UEVLD: variants seen among roughly 807,000 people sequenced by gnomAD.
UEVLD encodes the protein ubiquitin-conjugating enzyme E2 variant 3.
A neutral mutation model predicts 58.6 loss-of-function variants in UEVLD; 47 were observed. That is an observed-to-expected ratio of 0.80 (90% CI 0.63 to 1.02). The LOEUF is 1.02. Among genes scored for constraint, UEVLD ranks in the 50% least tolerant of loss-of-function variants. The pLI, the probability that UEVLD is intolerant of heterozygous loss-of-function variation, is 0.00. For synonymous variants in UEVLD, 197 were observed against 195.3 expected (o/e 1.01, Z -0.07); for missense variants, 510 against 550.6 (o/e 0.93, Z 0.74).
chr11:18,533,787 T>C (rs1198213417), intron 11 of UEVLD, among the ~76,000 whole-genome samples: 2 of 152,116 alleles, frequency 1.3e-5, no homozygotes, highest in Non-Finnish European at 2.9e-5. Context: ...CCCGAGTAGC[T>C]GGGATTACAG....
rs778308196 is a variant in UEVLD, at chr11:18,565,003, T to C, written c.501A>G (p.Ser167=). 15 of 1,605,004 alleles carry C rather than the reference T, an allele frequency of 9.3e-6. No individual in the cohort carries two copies. The highest frequency in any genetic ancestry group is 1.3e-5 in the Non-Finnish European group (15 of 1,172,990). Residue 167 remains serine, a synonymous_variant, in exon 6 of 12, where the codon TCA becomes TCG. Coordinates refer to ENST00000396197, the MANE Select transcript of UEVLD (RefSeq NM_001040697.4). ...TTGCCCAGCTCTTTGAATTTGTATC[T>C]GAAACACCTAGAAAGAAAGGTGAAT... ...AYIAKITEGV[S]DTNSKSWANH...
At chr11:18,562,844 C>G (rs1009391257) in intron 6 of UEVLD, among the ~76,000 whole-genome samples, 2 of 151,666 alleles carry the variant, frequency 1.3e-5, no homozygotes, top group Non-Finnish European at 2.9e-5. Context: ...ACCAGGAGTT[C>G]AAGACCAATC....
intron 5 of UEVLD, among the ~76,000 whole-genome samples, chr11:18,566,055 C>T (rs1036044985): frequency 1.5e-4 from 23 of 151,690 alleles, no homozygotes; most frequent in African/African-American, 5.1e-4. Context: ...CCTGCCACCA[C>T]GCCCAGCTAC....
chr11:18,570,284 C>T lies in UEVLD; in HGVS notation c.287G>A (p.Gly96Glu). The T allele has an allele frequency of 6.2e-7, 1 of 1,600,554 alleles. No homozygotes were observed. The highest frequency in any genetic ancestry group is 8.5e-7 in the Non-Finnish European group (1 of 1,176,050). Residue 96 changes from glycine (G) to glutamate (E), a missense_variant, in exon 4 of 12, where the codon GGA (glycine) becomes GAA (glutamate). Gly to Glu is a moderately conservative substitution (Grantham distance 98, BLOSUM62 -2). Coordinates refer to ENST00000396197, the MANE Select transcript of UEVLD (RefSeq NM_001040697.4). ...ATCCACATGTTTTCCGACTAAGATT[C>T]CCATATTTGCAGTTGGCTTCAAGAA... ...ICFLKPTANM[G>E]ILVGKHVDAQ...
intron 4 of UEVLD, among the ~76,000 whole-genome samples, chr11:18,568,044 C>T (rs774372520): frequency 1.3e-5 from 2 of 152,032 alleles, no homozygotes; most frequent in Non-Finnish European, 2.9e-5. Flanking sequence ...ACTCAGAAGG[C>T]TGAGGTGGGA....
At position 18,533,143 on chromosome 11, in the gene UEVLD, T is replaced by C. The variant is rs184174963; in HGVS notation, c.1249-656A>G. On this transcript the variant is annotated intron_variant, in intron 11 of 11. Transcript: ENST00000396197. ...CCTAAGCTCAAGTGATCCTCCCACC[T>C]TGGCCTCCCAAAGTGCTGGGATTAC... 7.2e-4 allele frequency among the ~76,000 whole-genome samples: 110 copies of C among 151,768 alleles called. 1 individual carries two copies. The highest frequency in any genetic ancestry group is 1.0e-3 in the Non-Finnish European group (69 of 67,906).
rs1245960183 is a variant in UEVLD at position 18,532,033 on chromosome 11, A to T, written c.*287T>A. ...GTATGAATTGTGCTTTTAGTTTAGG[A>T]TATATGATTTAAATTGATGCACACT... On this transcript the variant is annotated 3_prime_UTR_variant, in exon 12 of 12. Coordinates refer to ENST00000396197, the MANE Select transcript of UEVLD (RefSeq NM_001040697.4). The T allele has an allele frequency of 4.9e-6, 1 of 205,854 alleles. No homozygotes were observed. Among genetic ancestry groups the T allele is most frequent in the Admixed American group, 5.9e-5 (1 of 17,000 alleles). The allele number at this position is 205,854 out of a possible 1,614,324, so 12.8% of individuals were successfully genotyped here. A position where few individuals can be genotyped will look rare whatever the true frequency, so the allele number is the denominator to read the frequency against.
At chr11:18,560,959 G>A (rs1852005210) in intron 6 of UEVLD, among the ~76,000 whole-genome samples, 1 of 151,686 alleles carries the variant, frequency 6.6e-6, no homozygotes, top group African/African-American at 2.4e-5. Flanking sequence ...TGCAGTGAGT[G>A]GAGATTGCGC....
intron 7 of UEVLD, among the ~76,000 whole-genome samples, chr11:18,550,972 T>TCC (rs1413633231): frequency 6.6e-6 from 1 of 152,194 alleles, no homozygotes; most frequent in Non-Finnish European, 1.5e-5. Context: ...TTAGCATTGC[T>TCC]CCACAGGCAA....
chr11:18,546,578 A>C (rs564979617), intron 8 of UEVLD, among the ~76,000 whole-genome samples: 1 of 150,880 alleles, frequency 6.6e-6, no homozygotes, highest in African/African-American at 2.4e-5. Context: ...GCCTCACTGC[A>C]ACCACCATCT....
At position 18,532,249 on chromosome 11, in the gene UEVLD, C is replaced by G. The variant is rs1590298916; in HGVS notation, c.*71G>C. On this transcript the variant is annotated 3_prime_UTR_variant, in exon 12 of 12. Transcript: ENST00000396197. ...TAGCAGGATACAGAAATCCTCAAAC[C>G]TATATATAGGTAAAATTAAATGACT... 1 of 1,446,598 alleles carries G rather than the reference C, an allele frequency of 6.9e-7. No individual in the cohort carries two copies. The highest frequency in any genetic ancestry group is 2.4e-5 in the East Asian group (1 of 41,876). The allele number at this position is 1,446,598 out of a possible 1,614,324, so 89.6% of individuals were successfully genotyped here. A position where few individuals can be genotyped will look rare whatever the true frequency, so the allele number is the denominator to read the frequency against.
In UEVLD at chr11:18,532,486, CCCTG is replaced by C. The variant is rs1442708514; in HGVS notation, c.1249-3_1249del. Reference sequence around the variant, plus strand: ...CACTTCACTATTTATATCATAATATCCCTGAAATGAGAAAAATAGGGATTTAATA... The same window carrying C: ...CACTTCACTATTTATATCATAATATCAAATGAGAAAAATAGGGATTTAATA... On this transcript the variant is annotated splice_acceptor_variant and splice_polypyrimidine_tract_variant and coding_sequence_variant and intron_variant, in exon 12 of 12. Coordinates refer to ENST00000396197, the MANE Select transcript of UEVLD (RefSeq NM_001040697.4). LOFTEE classifies it high-confidence loss of function. The C allele has an allele frequency of 6.3e-7, 1 of 1,590,810 alleles. No homozygotes were observed. The highest frequency in any genetic ancestry group is 1.8e-5 in the Admixed American group (1 of 55,238).
chr11:18,573,649 G>C (rs1311387607), intron 3 of UEVLD, among the ~76,000 whole-genome samples: 3 of 152,130 alleles, frequency 2.0e-5, no homozygotes, highest in Non-Finnish European at 4.4e-5. Context: ...AAAACAAAAT[G>C]AATTCCTACA....
At chr11:18,538,285 T>C (rs572913568) in intron 9 of UEVLD, among the ~76,000 whole-genome samples, 2 of 151,648 alleles carry the variant, frequency 1.3e-5, no homozygotes, top group African/African-American at 4.8e-5. Context: ...ATATTCTTTT[T>C]TTTTTTTTTT....
At chr11:18,574,414 A>C (rs1165088382) in intron 3 of UEVLD, among the ~76,000 whole-genome samples, 2 of 152,238 alleles carry the variant, frequency 1.3e-5, no homozygotes, top group Non-Finnish European at 2.9e-5. Context: ...CTGGGATTAC[A>C]GGCATGAGCC....
rs1850565946 is a variant in UEVLD at position 18,531,694 on chromosome 11, C to T, written c.*626G>A. On this transcript the variant is annotated 3_prime_UTR_variant, in exon 12 of 12. Coordinates refer to ENST00000396197, the MANE Select transcript of UEVLD (RefSeq NM_001040697.4). ...ATGGAAAATTTCATAAAGGAAGTCC[C>T]ACTGGAAATTAAAGTAAACTTTTAA... 1 of 152,120 alleles carries T rather than the reference C, an allele frequency of 6.6e-6. No homozygotes were observed. The highest frequency in any genetic ancestry group is 2.4e-5 in the African/African-American group (1 of 41,416). 9.4% of individuals were successfully genotyped at this position (152,120 alleles called of 1,614,324 possible). A position where few individuals can be genotyped will look rare whatever the true frequency, so the allele number is the denominator to read the frequency against.
rs192428988 is a variant in UEVLD, at chr11:18,559,367, T to A, written c.613-1037A>T. Among the ~76,000 whole-genome samples, 560 of 152,040 alleles carry A rather than the reference T, an allele frequency of 3.7e-3. 2 individuals are homozygous for A. Among genetic ancestry groups the A allele is most frequent in the African/African-American group, 0.013 (519 of 41,436 alleles). On this transcript the variant is annotated intron_variant, in intron 6 of 11. Transcript: ENST00000396197. ...GCGTGCACCACCTCACCTGGCTATTTTTTATATTTTTGGTAGAGATGGGGT... is the reference window on the plus strand; with the variant it reads ...GCGTGCACCACCTCACCTGGCTATTATTTATATTTTTGGTAGAGATGGGGT...
At chr11:18,547,170 A>C in intron 7 of UEVLD, 120 bp from the exon 8 acceptor site, 1 of 939,754 alleles carries the variant, frequency 1.1e-6, no homozygotes, top group Non-Finnish European at 1.5e-6. Flanking sequence ...CCTCCCCATA[A>C]ATCAACCCCA....
At chr11:18,546,207 C>A (rs1851296610) in intron 8 of UEVLD, among the ~76,000 whole-genome samples, 1 of 152,164 alleles carries the variant, frequency 6.6e-6, no homozygotes, top group Admixed American at 6.5e-5. Flanking sequence ...TGCACTCTGG[C>A]ATGCTAACAT....
Sources: gnomAD v4.1 joint callset for allele counts (sites outside exome capture counted in the v4.1 genomes callset) on GRCh38, gnomAD v4.1.1 for gene constraint, MANE v1.5 for transcripts, NCBI Gene and HGNC (gene_info 2026-07-23, HGNC 2026-07-21) for gene names.